NSG2: variants seen among roughly 807,000 people sequenced by gnomAD.
The protein encoded by NSG2 is neuronal vesicle trafficking-associated protein 2.
Under a neutral mutation model 16.9 loss-of-function variants are expected in NSG2, and 4 were observed. The ratio of observed to expected loss-of-function variants is 0.24; its 90% CI spans 0.12 to 0.54. The LOEUF is 0.54. NSG2 is among the 20% of genes least tolerant of loss of function. The pLI is 0.95. For missense variants in NSG2, 179 were observed against 221.1 expected (o/e 0.81, Z 1.21); for synonymous variants, 98 against 88.7 (o/e 1.11, Z -0.59).
intron 2 of NSG2, among the ~76,000 whole-genome samples, chr5:174,052,925 T>C (rs1759915556): frequency 6.6e-6 from 1 of 152,224 alleles, no homozygotes; most frequent in Admixed American, 6.5e-5. Context: ...GGGCAAACGC[T>C]TCTTTTCTTT....
chr5:174,073,036 A>G (rs1010714039), intron 3 of NSG2, among the ~76,000 whole-genome samples: 7 of 152,192 alleles, frequency 4.6e-5, no homozygotes, highest in African/African-American at 1.7e-4. Flanking sequence ...GCAAACAAAA[A>G]AAATCCGTAT....
intron 2 of NSG2, among the ~76,000 whole-genome samples, chr5:174,048,725 C>T (rs545919332): frequency 9.8e-5 from 15 of 152,308 alleles, no homozygotes; most frequent in Admixed American, 6.5e-4. Flanking sequence ...CTCCCACCCA[C>T]CTCCCAGGGC....
At chr5:174,063,097 T>C (rs1266730751) in intron 2 of NSG2, among the ~76,000 whole-genome samples, 1 of 152,228 alleles carries the variant, frequency 6.6e-6, no homozygotes, top group Non-Finnish European at 1.5e-5. Flanking sequence ...TTCTGGCATA[T>C]AATAAGTGGT....
intron 3 of NSG2, among the ~76,000 whole-genome samples, chr5:174,087,427 A>G (rs1167382857): frequency 6.6e-6 from 1 of 152,086 alleles, no homozygotes; most frequent in African/African-American, 2.4e-5. Context: ...CATTTTCTTC[A>G]TGTATAAAAC....
chr5:174,097,533 CTATA>C (rs1172722721), intron 3 of NSG2, among the ~76,000 whole-genome samples: 1 of 148,036 alleles, frequency 6.8e-6, no homozygotes, highest in African/African-American at 2.5e-5. Context: ...ATGTGTGTAA[CTATA>C]TGTGTGTGTC....
rs190005015 is a variant in NSG2, at chr5:174,092,257, C to T, written c.214-11971C>T. On this transcript the variant is annotated intron_variant, in intron 3 of 4. Transcript: ENST00000303177. ...GGAAGTCAGGGGGAGGGCTTTCAGC[C>T]CCACCATGCAATGTTCAGAAGAGTA... 1.0e-3 allele frequency among the ~76,000 whole-genome samples: 152 copies of T among 152,322 alleles called. 2 individuals carry two copies. Among genetic ancestry groups the T allele is most frequent in the Middle Eastern group, 3.4e-3 (1 of 294 alleles).
At chr5:174,098,940 G>A (rs536591805) in intron 3 of NSG2, among the ~76,000 whole-genome samples, 6 of 152,298 alleles carry the variant, frequency 3.9e-5, no homozygotes, top group South Asian at 4.1e-4. Context: ...GAAACCAAGG[G>A]CTTTAGAACG....
At chr5:174,053,595 G>T (rs1759925123) in intron 2 of NSG2, among the ~76,000 whole-genome samples, 1 of 152,172 alleles carries the variant, frequency 6.6e-6, no homozygotes, top group Non-Finnish European at 1.5e-5. Context: ...GCAGGCTCCA[G>T]GCCCTAGAGC....
chr5:174,107,768 T>C lies in NSG2; in HGVS notation c.*263T>C, dbSNP rs1400255757. On this transcript the variant is annotated 3_prime_UTR_variant, in exon 5 of 5. Transcript: ENST00000303177. This position sits in a 1 kb window ranked among gnomAD's most constrained non-coding sequence, Gnocchi z 4.5. The stretch of plus-strand genomic sequence containing the variant: ...GCATGTTTCGTGTTGATTGTTCCCA[T>C]GTAAGATATTTTTAAAGCCACTGCT... The C allele has an allele frequency of 4.6e-6, 3 of 651,510 alleles. No individual in the cohort carries two copies. Among genetic ancestry groups the C allele is most frequent in the South Asian group, 3.0e-5 (2 of 66,090 alleles). The allele number at this position is 651,510 out of a possible 1,614,324, so 40.4% of individuals were successfully genotyped here.
chr5:174,071,543 C>A (rs904801424), intron 3 of NSG2, among the ~76,000 whole-genome samples: 4 of 152,194 alleles, frequency 2.6e-5, no homozygotes, highest in Non-Finnish European at 5.9e-5. Flanking sequence ...CAAACAGCAA[C>A]AAGTAAAACA....
intron 3 of NSG2, among the ~76,000 whole-genome samples, chr5:174,089,156 C>T (rs533334450): frequency 1.3e-5 from 2 of 152,288 alleles, no homozygotes; most frequent in African/African-American, 4.8e-5. Context: ...GGAGGTCTGT[C>T]TATAAGGACT....
chr5:174,089,225 G>A (rs1330232867), intron 3 of NSG2, among the ~76,000 whole-genome samples: 1 of 152,164 alleles, frequency 6.6e-6, no homozygotes, highest in Non-Finnish European at 1.5e-5. Context: ...ACTCCGAGGG[G>A]CAGCACCTCC....
intron 2 of NSG2, among the ~76,000 whole-genome samples, chr5:174,058,129 T>C (rs1759993695): frequency 6.6e-6 from 1 of 152,218 alleles, no homozygotes. Context: ...TGTTATCTTC[T>C]AAGTTGGGGA....
Position 174,046,840 on chromosome 5 carries a change from A to T in NSG2, c.85A>T (p.Thr29Ser). 1 of 1,613,568 alleles carries T rather than the reference A, an allele frequency of 6.2e-7. No homozygotes were observed. The highest frequency in any genetic ancestry group is 8.5e-7 in the Non-Finnish European group (1 of 1,179,922). ...TGGCTTCCAGACCGTCCCTCTCATC[A>T]CTCCCTTGGAGGTTAATCACTTACA... is the stretch of plus-strand genomic sequence containing the variant. ...EDGFQTVPLI[T>S]PLEVNHLQLP... Residue 29 changes from threonine (T) to serine (S), a missense_variant, in exon 2 of 5, where the codon ACT (threonine) becomes TCT (serine). By Grantham distance (58) the Thr-to-Ser change is moderately conservative (BLOSUM62 1). Coordinates refer to ENST00000303177, the MANE Select transcript of NSG2 (RefSeq NM_015980.5).
intron 3 of NSG2, among the ~76,000 whole-genome samples, chr5:174,100,995 G>C (rs1427033493): frequency 6.6e-6 from 1 of 152,244 alleles, no homozygotes; most frequent in Non-Finnish European, 1.5e-5. Flanking sequence ...CTTTCCAGCA[G>C]CTCCCTCAGA....
intron 3 of NSG2, among the ~76,000 whole-genome samples, chr5:174,102,382 T>C (rs1196817987): frequency 2.6e-5 from 4 of 152,200 alleles, no homozygotes; most frequent in Admixed American, 2.0e-4. Flanking sequence ...TTACTCTTTT[T>C]CTGAATCAAA....
intron 3 of NSG2, among the ~76,000 whole-genome samples, chr5:174,071,490 A>G (rs559576925): frequency 1.3e-5 from 2 of 152,346 alleles, no homozygotes; most frequent in African/African-American, 2.4e-5. Context: ...AGTAACAACA[A>G]CAGCAACAAC....
chr5:174,054,939 T>C (rs1218927862), intron 2 of NSG2, among the ~76,000 whole-genome samples: 1 of 152,230 alleles, frequency 6.6e-6, no homozygotes, highest in Non-Finnish European at 1.5e-5. Flanking sequence ...AGGATTGTTG[T>C]AAAGATAAAA....
intron 3 of NSG2, chr5:174,066,090 C>A: frequency 2.4e-6 from 1 of 412,328 alleles, no homozygotes; most frequent in Non-Finnish European, 5.0e-6. Flanking sequence ...GCGTATGTGG[C>A]CCAGGGGAGG....
Sources: allele counts gnomAD v4.1 joint callset (sites outside exome capture counted in the v4.1 genomes callset), GRCh38; gene constraint gnomAD v4.1.1; non-coding constraint Gnocchi (gnomAD v3.1); transcripts MANE v1.5; gene names NCBI Gene and HGNC (gene_info 2026-07-23, HGNC 2026-07-21).